Variants in PLEKHM3 observed in about 807,000 individuals in gnomAD.
PLEKHM3 encodes pleckstrin homology domain containing M3, also known as pleckstrin homology domain-containing family M member 3.
In PLEKHM3, 45 loss-of-function variants were observed where a neutral mutation model predicts 81.8. The ratio of observed to expected loss-of-function variants is 0.55; its 90% CI spans 0.43 to 0.71. The LOEUF (loss-of-function observed/expected upper bound fraction) is 0.71. Ranked by LOEUF, PLEKHM3 falls within the 30% of genes least tolerant of loss-of-function variation. The pLI, the probability that PLEKHM3 is intolerant of heterozygous loss-of-function variation, is 0.00. For synonymous variants in PLEKHM3, 352 were observed against 356.4 expected, an observed-to-expected ratio of 0.99 and a Z score of 0.14; for missense variants, 788 against 924.3, an observed-to-expected ratio of 0.85 and a Z score of 1.91.
intron 6 of PLEKHM3, among the ~76,000 whole-genome samples, chr2:207,891,569 A>G (rs1688060886): frequency 1.3e-5 from 2 of 152,240 alleles, no homozygotes; most frequent in Admixed American, 1.3e-4. Flanking sequence ...AAGTTAACCA[A>G]TAGACCAGGG....
rs2092265016 is a variant in PLEKHM3, at chr2:207,828,389, T to C, written c.2216A>G (p.Gln739Arg). Reference sequence around the variant, plus strand: ...TAGACTCTCGTCCATGTTCAGTCTCTGCCAGAAAGACTTCTGCTTCTTCTG... The same window carrying C: ...TAGACTCTCGTCCATGTTCAGTCTCCGCCAGAAAGACTTCTGCTTCTTCTG... ...ELQKKQKSFW[Q>R]RLNMDESLEE... The change falls in exon 8 of 8, where the codon CAG becomes CGG. Residue 739 changes from glutamine to arginine, a missense_variant. Gln to Arg is a conservative substitution (Grantham distance 43). Transcript: ENST00000427836. 3 of 1,614,112 alleles carry C rather than the reference T, an allele frequency of 1.9e-6. No homozygotes were observed. The highest frequency in any genetic ancestry group is 2.5e-6 in the Non-Finnish European group (3 of 1,180,018).
chr2:207,946,574 G>T (rs1690139244), intron 3 of PLEKHM3, 62 bp from the exon 4 acceptor site: 2 of 1,559,454 alleles, frequency 1.3e-6, no homozygotes, highest in Non-Finnish European at 1.7e-6. Context: ...ACAGAACAAG[G>T]TTATAGAGCT....
intron 6 of PLEKHM3, among the ~76,000 whole-genome samples, chr2:207,880,794 AAAAC>A (rs1319639712): frequency 5.7e-4 from 80 of 141,410 alleles, no homozygotes; most frequent in African/African-American, 1.8e-3. Context: ...AAAAACCAAA[AAAAC>A]AAACAAACAA....
intron 4 of PLEKHM3, among the ~76,000 whole-genome samples, chr2:207,932,567 T>C (rs1339767193): frequency 1.3e-5 from 2 of 152,190 alleles, no homozygotes; most frequent in East Asian, 1.9e-4. Context: ...TAAAGATATA[T>C]AGGATACAGT....
chr2:207,990,715 G>A (rs1383904499), intron 2 of PLEKHM3, among the ~76,000 whole-genome samples: 1 of 152,114 alleles, frequency 6.6e-6, no homozygotes. Context: ...ACAGGCCCTC[G>A]TACAGTGTTG....
chr2:207,858,174 G>GTGTGTGTGTGTATA (rs373920637), intron 7 of PLEKHM3, among the ~76,000 whole-genome samples: 267 of 123,280 alleles, frequency 2.2e-3, no homozygotes, highest in African/African-American at 7.3e-3. Context: ...GTGTGTGTGT[G>GTGTGTGTGTGTATA]TATATATTTT....
chr2:207,983,603 A>C (rs1012565164), intron 2 of PLEKHM3, among the ~76,000 whole-genome samples: 2 of 145,486 alleles, frequency 1.4e-5, no homozygotes, highest in African/African-American at 2.5e-5. Context: ...AAAAAAAAAA[A>C]CAGAACTATT....
At position 207,999,498 on chromosome 2, in the gene PLEKHM3, T is replaced by C. The variant is rs530709127; in HGVS notation, c.610+1532A>G. Among the ~76,000 whole-genome samples the C allele has an allele frequency of 8.6e-4, 131 of 152,120 alleles. 5 individuals are homozygous for C. In the South Asian group the frequency reaches 0.027, roughly 31 times the overall value. ...GGGCCTGCCTGTAGTCCCAGCTACT[T>C]GAGAGGCTGATGTGGGAGGATCCCA... On this transcript the variant is annotated intron_variant, in intron 2 of 7. Transcript: ENST00000427836.
intron 7 of PLEKHM3, among the ~76,000 whole-genome samples, chr2:207,855,946 A>T (rs552702259): frequency 6.6e-6 from 1 of 152,306 alleles, no homozygotes; most frequent in South Asian, 2.1e-4. Flanking sequence ...TACTAATAAT[A>T]TATCAATATT....
chr2:208,023,341 ATTG>A (rs1693191220), intron 1 of PLEKHM3, among the ~76,000 whole-genome samples: 1 of 146,260 alleles, frequency 6.8e-6, no homozygotes, highest in Non-Finnish European at 1.5e-5. Flanking sequence ...ACAGTTCAGT[ATTG>A]TTAAGTACAT....
chr2:207,861,371 A>G lies in PLEKHM3; in HGVS notation c.1951-109T>C, dbSNP rs1308923946. ...CCTTTACACAACAGGAAAACCTCTA[A>G]TTATAATTTCTCAGCAACTCTGAGG... On this transcript the variant is annotated intron_variant, in intron 6 of 7. Transcript: ENST00000427836. 3 of 1,227,676 alleles carry G rather than the reference A, an allele frequency of 2.4e-6. No homozygotes were observed. The African/African-American group carries it at 4.6e-5, about 19-fold the overall frequency. The allele number at this position is 1,227,676 out of a possible 1,614,324, so 76.0% of individuals were successfully genotyped here. A position where few individuals can be genotyped will look rare whatever the true frequency, so the allele number is the denominator to read the frequency against.
intron 6 of PLEKHM3, among the ~76,000 whole-genome samples, chr2:207,871,110 A>C (rs1421393882): frequency 6.6e-6 from 1 of 152,316 alleles, no homozygotes; most frequent in Non-Finnish European, 1.5e-5. Context: ...GCGAGACCCC[A>C]TCTCAAAATA....
chr2:207,857,997 TG>T (rs1334025169), intron 7 of PLEKHM3, among the ~76,000 whole-genome samples: 1 of 151,790 alleles, frequency 6.6e-6, no homozygotes, highest in African/African-American at 2.4e-5. Flanking sequence ...CTACTTTAGC[TG>T]TTTTTTTATA....
chr2:207,825,822 C>T lies in PLEKHM3; in HGVS notation c.*2497G>A, dbSNP rs2092247546. The T allele has an allele frequency of 6.6e-6, 1 of 152,124 alleles. No individual in the cohort carries two copies. The highest frequency in any genetic ancestry group is 1.5e-5 in the Non-Finnish European group (1 of 68,028). 9.4% of individuals were successfully genotyped at this position (152,124 alleles called of 1,614,324 possible). On this transcript the variant is annotated 3_prime_UTR_variant, in exon 8 of 8. Coordinates refer to ENST00000427836, the MANE Select transcript of PLEKHM3 (RefSeq NM_001080475.3). Reference sequence around the variant, plus strand: ...TGATAACACATCGATTTTTTGTTTCCCTTTTGAAAATAAGCAGAAAATGAT... The same window carrying T: ...TGATAACACATCGATTTTTTGTTTCTCTTTTGAAAATAAGCAGAAAATGAT...
intron 6 of PLEKHM3, among the ~76,000 whole-genome samples, chr2:207,887,912 TA>T (rs1182372368): frequency 6.6e-6 from 1 of 152,214 alleles, no homozygotes; most frequent in African/African-American, 2.4e-5. Flanking sequence ...GATAAGGTTA[TA>T]TTGGAAATTT....
intron 7 of PLEKHM3, among the ~76,000 whole-genome samples, chr2:207,841,714 C>T (rs902611584): frequency 1.3e-5 from 2 of 151,424 alleles, no homozygotes; most frequent in African/African-American, 4.8e-5. Flanking sequence ...CCACCTTTAC[C>T]ATGTATTAAA....
chr2:207,921,125 T>C (rs1268952805), intron 5 of PLEKHM3, among the ~76,000 whole-genome samples: 1 of 151,976 alleles, frequency 6.6e-6, no homozygotes. Context: ...CTTGGCTCAC[T>C]GCAAGTTCCG....
intron 6 of PLEKHM3, among the ~76,000 whole-genome samples, chr2:207,871,918 T>G (rs1380881255): frequency 6.6e-6 from 1 of 152,234 alleles, no homozygotes; most frequent in Admixed American, 6.5e-5. Context: ...ATGTTTGAAA[T>G]AAATCTGATT....
intron 1 of PLEKHM3, among the ~76,000 whole-genome samples, chr2:208,015,762 T>C (rs1262190620): frequency 6.6e-6 from 1 of 152,180 alleles, no homozygotes; most frequent in East Asian, 1.9e-4. Context: ...ATTTAGCCAA[T>C]AAATAGAAAC....
Sources: allele counts gnomAD v4.1 joint callset (sites outside exome capture counted in the v4.1 genomes callset), GRCh38; gene constraint gnomAD v4.1.1; transcripts MANE v1.5; gene names NCBI Gene and HGNC (gene_info 2026-07-23, HGNC 2026-07-21).